The following MARK2 variants were observed in gnomAD, a reference collection of about 807,000 sequenced individuals.
The protein encoded by MARK2 is microtubule affinity regulating kinase 2, also known as serine/threonine-protein kinase MARK2.
A neutral mutation model predicts 89.8 loss-of-function variants in MARK2; 16 were observed. That is an observed-to-expected ratio of 0.18 (90% confidence interval 0.12 to 0.27). The LOEUF (loss-of-function observed/expected upper bound fraction) is 0.27, where lower values mean the gene tolerates loss of function less well. Ranked by LOEUF, MARK2 falls within the 10% of genes least tolerant of loss-of-function variation. MARK2 has a pLI of 1.00. For synonymous variants in MARK2, 382 were observed against 399.5 expected, an observed-to-expected ratio of 0.96 and a Z score of 0.52; for missense variants, 621 against 1,049.9, an observed-to-expected ratio of 0.59 and a Z score of 5.65.
rs766983873 is a variant in MARK2, at chr11:63,894,294, G to A, written c.55-865G>A. ...GTGATAAATAACAAAGGTTCAGTGG[G>A]GCATTCGTAGTTCAGCGGCAGAAAT... On this transcript the variant is annotated intron_variant, in intron 1 of 18. Transcript: ENST00000402010. Among the ~76,000 whole-genome samples, 155 of 152,228 alleles carry A rather than the reference G, an allele frequency of 1.0e-3. 1 individual carries two copies. Among genetic ancestry groups the A allele is most frequent in the Non-Finnish European group, 4.6e-4 (31 of 68,040 alleles).
chr11:63,900,183 C>G lies in MARK2; in HGVS notation c.768+73C>G. 3.5e-6 allele frequency: 4 copies of G among 1,132,194 alleles called. No homozygotes were observed. Among genetic ancestry groups the G allele is most frequent in the Non-Finnish European group, 5.3e-6 (4 of 754,092 alleles). The allele number at this position is 1,132,194 out of a possible 1,614,324, so 70.1% of individuals were successfully genotyped here. On this transcript the variant is annotated intron_variant, in intron 8 of 18. Transcript: ENST00000402010. The surrounding 1 kb of genome is among the most constrained non-coding windows in gnomAD (Gnocchi z 4.7). ...TCTGGTCTTAGCCCTGACCTCCTGC[C>G]TTTGCCACCTGTCTACATTTGTCCC... is the stretch of plus-strand genomic sequence containing the variant.
At chr11:63,856,008 CAAT>C in intron 1 of MARK2, among the ~76,000 whole-genome samples, 1 of 152,116 alleles carries the variant, frequency 6.6e-6, no homozygotes, top group Non-Finnish European at 1.5e-5. Context: ...GTGTAGTCCT[CAAT>C]AATTTTTTAA....
At chr11:63,878,401 C>T (rs78414791) in intron 1 of MARK2, among the ~76,000 whole-genome samples, 7,439 of 138,074 alleles carry the variant, frequency 0.054, 705 homozygotes, top group African/African-American at 0.2. Flanking sequence ...GAGTCTCTCT[C>T]GCTCTGTCGC....
At chr11:63,873,843 C>T (rs531746782) in intron 1 of MARK2, among the ~76,000 whole-genome samples, 1 of 152,324 alleles carries the variant, frequency 6.6e-6, no homozygotes, top group South Asian at 2.1e-4. Flanking sequence ...GACAGAGCTT[C>T]ACCATGTTGG....
chr11:63,857,866 A>G (rs997082980), intron 1 of MARK2, among the ~76,000 whole-genome samples: 1 of 151,728 alleles, frequency 6.6e-6, no homozygotes, highest in Non-Finnish European at 1.5e-5. Context: ...TTTTTGAGAC[A>G]AGTTCTCATT....
chr11:63,900,253 A>G lies in MARK2; in HGVS notation c.768+143A>G, dbSNP rs1940751985. Reference sequence around the variant, plus strand: ...GGGCTTGCTGAGGTAGCAGCAGTCAAAGGCCTTCTGCACCTGGGAATGAAT... The same window carrying G: ...GGGCTTGCTGAGGTAGCAGCAGTCAGAGGCCTTCTGCACCTGGGAATGAAT... On this transcript the variant is annotated intron_variant, in intron 8 of 18. Coordinates refer to ENST00000402010, the MANE Select transcript of MARK2 (RefSeq NM_001039469.3). This position sits in a 1 kb window ranked among gnomAD's most constrained non-coding sequence, Gnocchi z 4.7. 4 of 722,784 alleles carry G rather than the reference A, an allele frequency of 5.5e-6. No homozygotes were observed. The highest frequency in any genetic ancestry group is 2.3e-5 in the Admixed American group (1 of 43,520). The allele number at this position is 722,784 out of a possible 1,614,324, so 44.8% of individuals were successfully genotyped here.
chr11:63,848,413 T>C (rs1179245672), intron 1 of MARK2, among the ~76,000 whole-genome samples: 2 of 152,138 alleles, frequency 1.3e-5, no homozygotes, highest in Admixed American at 1.3e-4. Flanking sequence ...TGAGACGGAG[T>C]CTTGCTCTGT....
rs563447275 is a variant in MARK2 at position 63,904,521 on chromosome 11, C to G, written c.1677-265C>G. Among the ~76,000 whole-genome samples the G allele has an allele frequency of 1.3e-5, 2 of 152,200 alleles. No homozygotes were observed. The highest frequency in any genetic ancestry group is 2.9e-5 in the Non-Finnish European group (2 of 68,006). On this transcript the variant is annotated intron_variant, in intron 15 of 18. Coordinates refer to ENST00000402010, the MANE Select transcript of MARK2 (RefSeq NM_001039469.3). This position sits in a 1 kb window ranked among gnomAD's most constrained non-coding sequence, Gnocchi z 6.3. The stretch of plus-strand genomic sequence containing the variant: ...CCAGTCTGCCCGGCTCCCAGGGAGC[C>G]CGCTGTCTCCAGCCTAAACCACACT...
At chr11:63,898,987 G>A in intron 6 of MARK2, 65 bp from the exon 7 acceptor site, 2 of 1,281,288 alleles carry the variant, frequency 1.6e-6, no homozygotes, top group Non-Finnish European at 2.3e-6. Context: ...CAGGGTCACT[G>A]CTCTGTCAGC....
chr11:63,858,770 A>G (rs996127931), intron 1 of MARK2, among the ~76,000 whole-genome samples: 2 of 152,212 alleles, frequency 1.3e-5, no homozygotes, highest in African/African-American at 4.8e-5. Flanking sequence ...TTGTAAACAG[A>G]GATAGGACTG....
chr11:63,909,313 C>CGAGA lies in MARK2; in HGVS notation c.*77_*80dup. The CGAGA allele has an allele frequency of 7.0e-7, 1 of 1,425,388 alleles. No individual in the cohort carries two copies. The allele number at this position is 1,425,388 out of a possible 1,614,324, so 88.3% of individuals were successfully genotyped here. On this transcript the variant is annotated 3_prime_UTR_variant, in exon 19 of 19. Coordinates refer to ENST00000402010, the MANE Select transcript of MARK2 (RefSeq NM_001039469.3). Reference sequence around the variant, plus strand: ...CGGCCGCTGCGCCGCCCCACCTGGGCGAGACTGCAGCGATGGATTGGTGTG... The same window carrying CGAGA: ...CGGCCGCTGCGCCGCCCCACCTGGGCGAGAGAGACTGCAGCGATGGATTGGTGTG...
chr11:63,882,083 C>T (rs1355037596), intron 1 of MARK2, among the ~76,000 whole-genome samples: 1 of 152,184 alleles, frequency 6.6e-6, no homozygotes, highest in East Asian at 1.9e-4. Flanking sequence ...GATAAGAGGA[C>T]TTACCTGGAT....
chr11:63,887,616 G>T, intron 1 of MARK2, among the ~76,000 whole-genome samples: 1 of 152,216 alleles, frequency 6.6e-6, no homozygotes, highest in South Asian at 2.1e-4. Context: ...AGAAGGTCAC[G>T]GAGTTCCTTA....
intron 1 of MARK2, chr11:63,888,747 G>A: frequency 8.3e-7 from 1 of 1,208,292 alleles, no homozygotes; most frequent in Non-Finnish European, 1.1e-6. Flanking sequence ...TCCCAGGCAG[G>A]AACCGCTCGG....
Position 63,903,316 on chromosome 11 carries a change from T to G in MARK2, c.1514+158T>G. ...TCCAGTCCAGCTTTCCCCTCCCCTA[T>G]TCCACGCCATTGCCTCCTCCCCATC... On this transcript the variant is annotated intron_variant, in intron 14 of 18. Coordinates refer to ENST00000402010, the MANE Select transcript of MARK2 (RefSeq NM_001039469.3). This position sits in a 1 kb window ranked among gnomAD's most constrained non-coding sequence, Gnocchi z 5.1. The G allele has an allele frequency of 1.6e-6, 1 of 620,808 alleles. No homozygotes were observed. Among genetic ancestry groups the G allele is most frequent in the Non-Finnish European group, 2.9e-6 (1 of 346,008 alleles). 38.5% of individuals were successfully genotyped at this position (620,808 alleles called of 1,614,324 possible).
chr11:63,866,897 G>A (rs148592381), intron 1 of MARK2, among the ~76,000 whole-genome samples: 35 of 152,190 alleles, frequency 2.3e-4, no homozygotes, highest in African/African-American at 7.7e-4. Flanking sequence ...TTTTTAGATG[G>A]CATAGAATCT....
At chr11:63,877,100 C>CTTTTTTTTT in intron 1 of MARK2, among the ~76,000 whole-genome samples, 1 of 79,472 alleles carries the variant, frequency 1.3e-5, no homozygotes, top group Non-Finnish European at 2.4e-5. Context: ...CAATCAGACT[C>CTTTTTTTTT]TTTTTTTTTT....
rs320106 is a variant in MARK2, at chr11:63,909,045, C to T, written c.2175C>T (p.Ser725=). 4,866 of 1,601,332 alleles carry T rather than the reference C, an allele frequency of 3.0e-3. 111 individuals are homozygous for T. In the African/African-American group the frequency reaches 0.052, roughly 17 times the overall value. ...RKVLDANSCQ[S]ELHEKYMLLC... ...TGCTGGACGCGAACAGCTGCCAGAG[C>T]GAGCTGCATGAGAAGTACATGCTGC... The change falls in exon 19 of 19, where the codon AGC becomes AGT. Residue 725 remains serine, a synonymous_variant. Transcript: ENST00000402010.
chr11:63,852,854 C>T (rs2016641233), intron 1 of MARK2, among the ~76,000 whole-genome samples: 2 of 152,110 alleles, frequency 1.3e-5, no homozygotes, highest in African/African-American at 4.8e-5. Context: ...AAAGGAATTG[C>T]ATATTTTATG....
Sources: gnomAD v4.1 joint callset for allele counts (sites outside exome capture counted in the v4.1 genomes callset) on GRCh38, gnomAD v4.1.1 for gene constraint, Gnocchi (gnomAD v3.1) non-coding constraint, MANE v1.5 for transcripts, NCBI Gene and HGNC (gene_info 2026-07-23, HGNC 2026-07-21) for gene names.